Variants in ARHGAP32 observed in about 807,000 individuals in gnomAD.
ARHGAP32 encodes the protein Rho GTPase activating protein 32, also known as rho GTPase-activating protein 32.
In ARHGAP32, 51 loss-of-function variants were observed where a neutral mutation model predicts 186.5. The observed-to-expected ratio is 0.27, with a 90% CI of 0.22 to 0.35. The LOEUF is 0.35. Ranked by LOEUF, ARHGAP32 falls within the 10% of genes least tolerant of loss-of-function variation. The pLI is 1.00. For missense variants in ARHGAP32, 2,186 were observed against 2,623.5 expected, an observed-to-expected ratio of 0.83 and a Z score of 3.64; for synonymous variants, 950 against 964.3, an observed-to-expected ratio of 0.99 and a Z score of 0.27.
intron 5 of ARHGAP32, among the ~76,000 whole-genome samples, chr11:129,096,142 C>T (rs766712383): frequency 6.6e-6 from 1 of 152,018 alleles, no homozygotes; most frequent in Non-Finnish European, 1.5e-5. Context: ...ACAAAACACA[C>T]AGATAAGCAA....
intron 10 of ARHGAP32, among the ~76,000 whole-genome samples, chr11:129,051,240 C>G (rs528966208): frequency 6.6e-6 from 1 of 152,318 alleles, no homozygotes; most frequent in East Asian, 1.9e-4. Flanking sequence ...AATGGTTGAA[C>G]TAATTTACAC....
intron 1 of ARHGAP32, among the ~76,000 whole-genome samples, chr11:129,231,030 G>A (rs928411373): frequency 2.6e-5 from 4 of 152,148 alleles, no homozygotes; most frequent in South Asian, 2.1e-4. Flanking sequence ...AGCTACTCGG[G>A]AGGCTGAGCA....
At chr11:129,160,583 G>A (rs1369717702) in intron 2 of ARHGAP32, among the ~76,000 whole-genome samples, 1 of 151,628 alleles carries the variant, frequency 6.6e-6, no homozygotes, top group Non-Finnish European at 1.5e-5. Flanking sequence ...CCTACAATGA[G>A]AATAAAATAC....
chr11:129,224,849 T>C (rs1344817889), intron 1 of ARHGAP32, among the ~76,000 whole-genome samples: 1 of 151,042 alleles, frequency 6.6e-6, no homozygotes, highest in Admixed American at 6.6e-5. Context: ...GGGTGGCTCA[T>C]GCCTGTTATC....
chr11:128,969,086 A>C lies in ARHGAP32; in HGVS notation c.6127T>G (p.Tyr2043Asp), dbSNP rs1303700754. ...VVSQYDNLED[Y>D]HSLPQHQRGV... ...CGCTGGTGCTGAGGCAGGGAGTGGT[A>C]ATCTTCCAGGTTATCATACTGGGAC... The change falls in exon 23 of 23, where the codon TAC becomes GAC. Residue 2043 changes from tyrosine (Y) to aspartate (D), a missense_variant. Tyr to Asp is a radical substitution (Grantham distance 160). This residue lies in a region of ARHGAP32 where 1,502 missense variants were observed against 1,570.0 expected (regional missense o/e 0.96). Coordinates refer to ENST00000682385, the MANE Select transcript of ARHGAP32 (RefSeq NM_001378024.1). This position sits in a 1 kb window ranked among gnomAD's most constrained non-coding sequence, Gnocchi z 4.8. 5.0e-6 allele frequency: 8 copies of C among 1,607,688 alleles called. No homozygotes were observed. Among genetic ancestry groups the C allele is most frequent in the African/African-American group, 2.7e-5 (2 of 74,812 alleles).
At chr11:129,279,554 G>C (rs927385725), upstream of ARHGAP32, among the ~76,000 whole-genome samples, 22 of 143,550 alleles carry the variant, frequency 1.5e-4, no homozygotes, top group African/African-American at 5.3e-4. Flanking sequence ...GCCCCCGCCG[G>C]AGCCCGCCGC....
chr11:129,217,951 GAACA>G (rs955996843), intron 1 of ARHGAP32, among the ~76,000 whole-genome samples: 1 of 152,114 alleles, frequency 6.6e-6, no homozygotes, highest in African/African-American at 2.4e-5. Context: ...GGACTAATAG[GAACA>G]AACTGAGAAG....
chr11:129,159,946 TAACAGAACCAATAACAA>T (rs1013139491), intron 2 of ARHGAP32, among the ~76,000 whole-genome samples: 1 of 151,844 alleles, frequency 6.6e-6, no homozygotes, highest in Non-Finnish European at 1.5e-5. Context: ...TAATCCATCA[TAACAGAACCAATAACAA>T]AACAGAACCA....
At chr11:129,175,223 A>G (rs9737234) in intron 1 of ARHGAP32, among the ~76,000 whole-genome samples, 474 of 62,158 alleles carry the variant, frequency 7.6e-3, no homozygotes, top group Middle Eastern at 0.016. Flanking sequence ...GAAATGAAGC[A>G]AGAAGGGAAG....
intron 1 of ARHGAP32, among the ~76,000 whole-genome samples, chr11:129,254,559 A>C (rs762850957): frequency 1.8e-4 from 28 of 152,164 alleles, no homozygotes; most frequent in Non-Finnish European, 7.4e-5. Context: ...AACTTCTTTA[A>C]ACTGTCAATA....
At position 128,974,974 on chromosome 11, in the gene ARHGAP32, T is replaced by C. The variant is rs1316803615; in HGVS notation, c.2223A>G (p.Arg741=). 2 of 1,610,936 alleles carry C rather than the reference T, an allele frequency of 1.2e-6. No individual in the cohort carries two copies. Among genetic ancestry groups the C allele is most frequent in the Non-Finnish European group, 1.7e-6 (2 of 1,178,956 alleles). Reference sequence around the variant, plus strand: ...ACAGTGCATCACTGGAAGATCTGGGTCTTCTGGGTCGGAAGAGCTTAGAAT... The same window carrying C: ...ACAGTGCATCACTGGAAGATCTGGGCCTTCTGGGTCGGAAGAGCTTAGAAT... ...DGDSKLFRPR[R]PRSSSDALSA... The change falls in exon 21 of 23, where the codon AGA becomes AGG. Residue 741 remains arginine, a synonymous_variant. Transcript: ENST00000682385.
intron 10 of ARHGAP32, among the ~76,000 whole-genome samples, chr11:129,048,978 G>C (rs1274529212): frequency 1.3e-5 from 2 of 151,928 alleles, no homozygotes; most frequent in Admixed American, 1.3e-4. Context: ...CTAAAACAGA[G>C]CAGTGCAAAG....
At chr11:129,172,092 T>C (rs1410128274) in intron 1 of ARHGAP32, among the ~76,000 whole-genome samples, 7 of 152,166 alleles carry the variant, frequency 4.6e-5, no homozygotes, top group African/African-American at 1.7e-4. Flanking sequence ...GTTTTCTAAA[T>C]ATAAAATCAT....
chr11:129,206,421 C>T (rs976993891), intron 1 of ARHGAP32, among the ~76,000 whole-genome samples: 23 of 152,008 alleles, frequency 1.5e-4, no homozygotes, highest in African/African-American at 4.3e-4. Context: ...TATGTTGTCC[C>T]GGCTGGTCTC....
intron 1 of ARHGAP32, among the ~76,000 whole-genome samples, chr11:129,185,078 T>G (rs1354455732): frequency 1.3e-5 from 2 of 152,168 alleles, no homozygotes; most frequent in African/African-American, 2.4e-5. Context: ...GAAATACCAT[T>G]TGACCCAGCC....
intron 2 of ARHGAP32, among the ~76,000 whole-genome samples, chr11:129,153,214 A>T (rs934917030): frequency 6.6e-6 from 1 of 152,112 alleles, no homozygotes; most frequent in African/African-American, 2.4e-5. Flanking sequence ...ACTGCAAAAC[A>T]CTGCTGAAAA....
At chr11:129,205,955 C>A (rs1944509401) in intron 1 of ARHGAP32, among the ~76,000 whole-genome samples, 1 of 151,860 alleles carries the variant, frequency 6.6e-6, no homozygotes, top group African/African-American at 2.4e-5. Context: ...GAATAATGAA[C>A]CAATAGGTAT....
intron 5 of ARHGAP32, among the ~76,000 whole-genome samples, chr11:129,104,740 C>A (rs1852670634): frequency 6.6e-6 from 1 of 151,940 alleles, no homozygotes; most frequent in African/African-American, 2.4e-5. Context: ...AAGTAGGTGG[C>A]TACAAGCTTC....
At chr11:129,234,861 T>C (rs946769603) in intron 1 of ARHGAP32, among the ~76,000 whole-genome samples, 3 of 152,208 alleles carry the variant, frequency 2.0e-5, no homozygotes, top group African/African-American at 7.2e-5. Flanking sequence ...GTTGTTCTTC[T>C]ATTTCAATCC....
Sources: gnomAD v4.1 joint callset for allele counts (sites outside exome capture counted in the v4.1 genomes callset) on GRCh38, gnomAD v4.1.1 for gene constraint, gnomAD v4.1.1 regional missense constraint, Gnocchi (gnomAD v3.1) non-coding constraint, MANE v1.5 for transcripts, NCBI Gene and HGNC (gene_info 2026-07-23, HGNC 2026-07-21) for gene names.